Variants in PCDHA7 observed in about 807,000 individuals in gnomAD.
PCDHA7 encodes protocadherin alpha 7.
In PCDHA7, 37 loss-of-function variants were observed where a neutral mutation model predicts 57.2. That is an observed-to-expected ratio of 0.65 (90% confidence interval 0.50 to 0.85). The LOEUF is 0.85. Among genes scored for constraint, PCDHA7 ranks in the 40% least tolerant of loss-of-function variants. The pLI, the probability that PCDHA7 is intolerant of heterozygous loss-of-function variation, is 0.00. For missense variants in PCDHA7, 1,188 were observed against 1,241.8 expected (o/e 0.96, Z 0.65); for synonymous variants, 553 against 558.8 (o/e 0.99, Z 0.15).
chr5:140,978,894 C>G, intron 1 of PCDHA7, 55 bp from the exon 2 acceptor site: 1 of 1,612,598 alleles, frequency 6.2e-7, no homozygotes, highest in South Asian at 1.1e-5. Flanking sequence ...AGCAGCATTC[C>G]TGGGAGAACA....
chr5:140,983,807 G>T (rs1158459034), intron 3 of PCDHA7, among the ~76,000 whole-genome samples: 1 of 152,100 alleles, frequency 6.6e-6, no homozygotes, highest in African/African-American at 2.4e-5. Context: ...TGTGTAAAAG[G>T]TTTTTTCCCA....
intron 1 of PCDHA7, chr5:140,968,757 A>G (rs1488596963): frequency 6.2e-7 from 1 of 1,614,204 alleles, no homozygotes; most frequent in Non-Finnish European, 8.5e-7. Flanking sequence ...GTGGTCCGAG[A>G]TAATGGAGAG....
At chr5:140,848,296 G>A (rs181978789) in intron 1 of PCDHA7, 6 of 652,806 alleles carry the variant, frequency 9.2e-6, no homozygotes, top group Non-Finnish European at 1.3e-5. Flanking sequence ...TTTGGGCCAC[G>A]TGATGTCACT....
chr5:140,896,485 C>G (rs1259028670), intron 1 of PCDHA7, among the ~76,000 whole-genome samples: 1 of 152,032 alleles, frequency 6.6e-6, no homozygotes, highest in Non-Finnish European at 1.5e-5. Context: ...GCCTCAGCCT[C>G]CTGAGTAGCT....
chr5:140,925,100 A>AGGAG (rs1217709299), intron 1 of PCDHA7, among the ~76,000 whole-genome samples: 12 of 151,586 alleles, frequency 7.9e-5, no homozygotes, highest in Admixed American at 1.3e-4. Context: ...GAAGGAAGGA[A>AGGAG]GGAAGGAGGG....
At chr5:140,998,939 A>C (rs1299425979) in intron 3 of PCDHA7, among the ~76,000 whole-genome samples, 2 of 152,248 alleles carry the variant, frequency 1.3e-5, no homozygotes, top group Admixed American at 1.3e-4. Flanking sequence ...CAGATGAAGA[A>C]ACTGTAAGTC....
intron 1 of PCDHA7, among the ~76,000 whole-genome samples, chr5:140,961,765 T>C (rs2095634679): frequency 6.6e-6 from 1 of 152,244 alleles, no homozygotes; most frequent in African/African-American, 2.4e-5. Flanking sequence ...AAGGAATTTA[T>C]ATCAAGCTTA....
intron 1 of PCDHA7, among the ~76,000 whole-genome samples, chr5:140,931,932 T>C (rs1163129550): frequency 6.6e-6 from 1 of 151,986 alleles, no homozygotes; most frequent in South Asian, 2.1e-4. Context: ...ATGATTATAA[T>C]GTGTGTCTGA....
rs782000026 is a variant in PCDHA7, at chr5:140,858,227, G to A, written c.2355+21489G>A. 14 of 1,596,370 alleles carry A rather than the reference G, an allele frequency of 8.8e-6. 2 individuals carry two copies. The African/African-American group carries it at 1.9e-4, about 21-fold the overall frequency. On this transcript the variant is annotated intron_variant, in intron 1 of 3. Coordinates refer to ENST00000525929, the MANE Select transcript of PCDHA7 (RefSeq NM_018910.3). Reference sequence around the variant, plus strand: ...ACTGAGGTGCTCGGCGGCGCCCACCGAGGGCGCATGTGGGCCGGTGAAGCC... The same window carrying A: ...ACTGAGGTGCTCGGCGGCGCCCACCAAGGGCGCATGTGGGCCGGTGAAGCC...
chr5:140,917,041 A>G (rs891465527), intron 1 of PCDHA7, among the ~76,000 whole-genome samples: 11 of 152,096 alleles, frequency 7.2e-5, no homozygotes, highest in Non-Finnish European at 1.6e-4. Flanking sequence ...AGTCCAGCAC[A>G]GTGTTGTTCC....
At chr5:140,944,678 A>G (rs1483326984) in intron 1 of PCDHA7, among the ~76,000 whole-genome samples, 4 of 152,162 alleles carry the variant, frequency 2.6e-5, no homozygotes, top group African/African-American at 9.7e-5. Context: ...TATTCTGTGT[A>G]TCCTATTAAT....
intron 1 of PCDHA7, among the ~76,000 whole-genome samples, chr5:140,895,524 G>A (rs891938988): frequency 2.3e-4 from 35 of 152,128 alleles, no homozygotes; most frequent in African/African-American, 7.2e-4. Context: ...TGGTTTATTC[G>A]TTTTTCAATT....
chr5:140,961,434 A>G (rs2095611315), intron 1 of PCDHA7, among the ~76,000 whole-genome samples: 1 of 152,174 alleles, frequency 6.6e-6, no homozygotes, highest in African/African-American at 2.4e-5. Context: ...TTACAAAATC[A>G]CCTAACTACA....
At chr5:140,837,116 C>A (rs2150273189) in intron 1 of PCDHA7, 6 of 157,484 alleles carry the variant, frequency 3.8e-5, no homozygotes, top group Non-Finnish European at 8.4e-5. Context: ...TATATGTTAC[C>A]TAATATTTTA....
chr5:140,919,957 G>GC (rs2079372992), intron 1 of PCDHA7, among the ~76,000 whole-genome samples: 1 of 148,640 alleles, frequency 6.7e-6, no homozygotes, highest in Non-Finnish European at 1.5e-5. Flanking sequence ...AGTTTGTTTT[G>GC]TTTTTTAAAT....
intron 3 of PCDHA7, among the ~76,000 whole-genome samples, chr5:140,988,180 G>C (rs2097285964): frequency 1.3e-5 from 2 of 152,134 alleles, no homozygotes; most frequent in Admixed American, 1.3e-4. Context: ...TGACAGTCCT[G>C]GGAGGTGTGT....
At chr5:140,966,125 C>T (rs1443798693) in intron 1 of PCDHA7, 1 of 159,140 alleles carries the variant, frequency 6.3e-6, no homozygotes, top group African/African-American at 2.4e-5. Context: ...TTAGCTAAGG[C>T]CCCTCAGTTT....
Position 140,850,862 on chromosome 5 carries a change from C to G in PCDHA7, c.2355+14124C>G, listed in dbSNP as rs2150500833. 5.6e-6 allele frequency: 9 copies of G among 1,592,960 alleles called. 1 individual carries two copies. In the South Asian group the frequency reaches 1.0e-4, roughly 18 times the overall value. Reference sequence around the variant, plus strand: ...GATCTACAGAGCGAACGGGAGAACCCTCTGCTTCCTCAGATTCAACTGGGA... The same window carrying G: ...GATCTACAGAGCGAACGGGAGAACCGTCTGCTTCCTCAGATTCAACTGGGA... On this transcript the variant is annotated intron_variant, in intron 1 of 3. Transcript: ENST00000525929.
At chr5:140,960,068 T>C (rs144291604) in intron 1 of PCDHA7, among the ~76,000 whole-genome samples, 1 of 152,358 alleles carries the variant, frequency 6.6e-6, no homozygotes, top group African/African-American at 2.4e-5. Flanking sequence ...GAAGATTCAA[T>C]TGAAGTTTCT....
Sources: gnomAD v4.1 joint callset for allele counts (sites outside exome capture counted in the v4.1 genomes callset) on GRCh38, gnomAD v4.1.1 for gene constraint, MANE v1.5 for transcripts, NCBI Gene and HGNC (gene_info 2026-07-23, HGNC 2026-07-21) for gene names.